The following PPP1R1C variants were observed in gnomAD, a reference collection of about 807,000 sequenced individuals.
PPP1R1C encodes the protein protein phosphatase 1 regulatory subunit 1C.
In PPP1R1C, 15 loss-of-function variants were observed where a neutral mutation model predicts 17.4. That is an observed-to-expected ratio of 0.86 (90% CI 0.58 to 1.33). The LOEUF (loss-of-function observed/expected upper bound fraction) is 1.33, where lower values mean the gene tolerates loss of function less well. Ranked by LOEUF, PPP1R1C falls within the 40% of genes most tolerant of loss-of-function variation. The pLI, the probability that PPP1R1C is intolerant of heterozygous loss-of-function variation, is 0.00. For synonymous variants in PPP1R1C, 35 were observed against 43.1 expected (o/e 0.81, Z 0.73); for missense variants, 143 against 130.0 (o/e 1.10, Z -0.48).
chr2:182,123,358 G>C (rs115692192), intron 5 of PPP1R1C, among the ~76,000 whole-genome samples: 37,124 of 151,968 alleles, frequency 0.24, 5,090 homozygotes, highest in African/African-American at 0.37. Context: ...AATCCTTTAG[G>C]TATGTACCCA....
intron 2 of PPP1R1C, among the ~76,000 whole-genome samples, chr2:181,996,330 T>C (rs1444231986): frequency 6.6e-6 from 1 of 151,966 alleles, no homozygotes; most frequent in East Asian, 1.9e-4. Context: ...GCTGTGACAA[T>C]CAGGGGGCTC....
intron 2 of PPP1R1C, among the ~76,000 whole-genome samples, chr2:182,044,914 A>G (rs1480100633): frequency 6.6e-6 from 1 of 152,206 alleles, no homozygotes; most frequent in Non-Finnish European, 1.5e-5. Flanking sequence ...ATTATGAGAA[A>G]AAAATGGTTA....
intron 2 of PPP1R1C, among the ~76,000 whole-genome samples, chr2:182,048,319 T>C (rs1687404524): frequency 6.6e-6 from 1 of 152,092 alleles, no homozygotes. Context: ...CCCCAAATGA[T>C]AGGCCTTCAA....
chr2:181,954,971 C>G (rs1684646966), intron 1 of PPP1R1C, among the ~76,000 whole-genome samples: 1 of 152,106 alleles, frequency 6.6e-6, no homozygotes, highest in Admixed American at 6.5e-5. Context: ...TGAGGGCTGT[C>G]TCAGGGAAAG....
chr2:182,004,972 T>C lies in PPP1R1C; in HGVS notation c.142+17073T>C, dbSNP rs1327694138. ...ATGAATTCAGAATGGAACCCATTACTCTAGACATGGTAGATAAAATAGCCC... is the reference window on the plus strand; with the variant it reads ...ATGAATTCAGAATGGAACCCATTACCCTAGACATGGTAGATAAAATAGCCC... On this transcript the variant is annotated intron_variant, in intron 2 of 4. Transcript: ENST00000682840. Among the ~76,000 whole-genome samples, 7 of 152,318 alleles carry C rather than the reference T, an allele frequency of 4.6e-5. No homozygotes were observed. The East Asian group carries it at 7.7e-4, about 17-fold the overall frequency.
intron 5 of PPP1R1C, among the ~76,000 whole-genome samples, chr2:182,123,058 A>G (rs935139057): frequency 2.0e-5 from 3 of 151,914 alleles, no homozygotes; most frequent in Admixed American, 6.6e-5. Context: ...CTGTGCCCAT[A>G]TGTTCTCATT....
chr2:182,084,075 A>T (rs1010801292), intron 4 of PPP1R1C, among the ~76,000 whole-genome samples: 1 of 151,868 alleles, frequency 6.6e-6, no homozygotes, highest in African/African-American at 2.4e-5. Flanking sequence ...ATTGAGAGCT[A>T]TCTATTCATG....
At chr2:181,999,708 T>C (rs1013698170) in intron 2 of PPP1R1C, among the ~76,000 whole-genome samples, 2 of 152,000 alleles carry the variant, frequency 1.3e-5, no homozygotes, top group African/African-American at 4.8e-5. Context: ...CTTTCTCTTC[T>C]TTTGTATTTA....
At chr2:181,983,675 A>G (rs1020973908), upstream of PPP1R1C, among the ~76,000 whole-genome samples, 2 of 152,232 alleles carry the variant, frequency 1.3e-5, no homozygotes, top group African/African-American at 4.8e-5. Context: ...AGTAGACTAT[A>G]GTATCTACTC....
At chr2:182,095,380 C>G (rs1688902583) in intron 4 of PPP1R1C, among the ~76,000 whole-genome samples, 1 of 152,118 alleles carries the variant, frequency 6.6e-6, no homozygotes, top group Admixed American at 6.5e-5. Flanking sequence ...TATCATTAAA[C>G]ATTATTTAAC....
intron 2 of PPP1R1C, among the ~76,000 whole-genome samples, chr2:182,037,595 A>T (rs1687050473): frequency 6.6e-6 from 1 of 152,096 alleles, no homozygotes; most frequent in Non-Finnish European, 1.5e-5. Context: ...CAAAAAAAAA[A>T]AAAATGTGTA....
At chr2:181,969,720 C>A (rs1239447172) in intron 1 of PPP1R1C, among the ~76,000 whole-genome samples, 1 of 152,122 alleles carries the variant, frequency 6.6e-6, no homozygotes, top group Non-Finnish European at 1.5e-5. Context: ...CTCTACCTTG[C>A]CTTACAGCCA....
At chr2:182,029,407 G>C (rs1319065939) in intron 2 of PPP1R1C, among the ~76,000 whole-genome samples, 1 of 151,876 alleles carries the variant, frequency 6.6e-6, no homozygotes, top group African/African-American at 2.4e-5. Context: ...GGGCAGGCCT[G>C]GTGGTGACCA....
At chr2:182,099,409 A>C (rs573560869) in intron 4 of PPP1R1C, among the ~76,000 whole-genome samples, 12 of 152,236 alleles carry the variant, frequency 7.9e-5, no homozygotes, top group African/African-American at 2.9e-4. Context: ...TTCCAAAGTC[A>C]TCCCTCCTGC....
chr2:181,991,388 T>A (rs77202152), intron 2 of PPP1R1C, among the ~76,000 whole-genome samples: 1 of 152,148 alleles, frequency 6.6e-6, no homozygotes, highest in Admixed American at 6.6e-5. Flanking sequence ...AGAAGCACTA[T>A]GTAAACAGAT....
rs1397676455 is a variant in PPP1R1C at position 181,987,886 on chromosome 2, G to T, written c.129G>T (p.Glu43Asp). 1.9e-6 allele frequency: 3 copies of T among 1,612,898 alleles called. No individual in the cohort carries two copies. In the African/African-American group the frequency reaches 4.0e-5, roughly 22 times the overall value. ...CAGCATCACTTGTGATTCTCAATGA[G>T]CATAACCCCCCAGGTAAAGAAGCAT... ...PTPASLVILN[E>D]HNPPEIDDKR... The change falls in exon 2 of 5, where the codon GAG (glutamate) becomes GAT (aspartate). Residue 43 changes from glutamate (E) to aspartate (D), a missense_variant. Physicochemically the swap from Glu to Asp is conservative, Grantham distance 45 (BLOSUM62 2). Coordinates refer to ENST00000682840, the MANE Select transcript of PPP1R1C (RefSeq NM_001080545.3).
rs1382681375 is a variant in PPP1R1C, at chr2:182,061,447, G to A, written c.148G>A (p.Asp50Asn). 6 of 1,471,292 alleles carry A rather than the reference G, an allele frequency of 4.1e-6. No individual in the cohort carries two copies. Among genetic ancestry groups the A allele is most frequent in the Non-Finnish European group, 5.4e-6 (6 of 1,108,476 alleles). 91.1% of individuals were successfully genotyped at this position (1,471,292 alleles called of 1,614,324 possible). A position where few individuals can be genotyped will look rare whatever the true frequency, so the allele number is the denominator to read the frequency against. ...TCTACCTACTTCTCTTACAGAAATA[G>A]ATGACAAGAGGGGGCCCAACACACA... ...ILNEHNPPEI[D>N]DKRGPNTQGE... is the part of the protein sequence containing the mutation. Residue 50 changes from aspartate to asparagine, a missense_variant, in exon 3 of 5, where the codon GAT (aspartate) becomes AAT (asparagine). Transcript: ENST00000682840.
At chr2:181,995,811 TTTCTC>T (rs1358705171) in intron 2 of PPP1R1C, among the ~76,000 whole-genome samples, 2 of 152,092 alleles carry the variant, frequency 1.3e-5, no homozygotes, top group African/African-American at 4.8e-5. Flanking sequence ...TTTTCTGTCT[TTTCTC>T]TCATCATTTT....
chr2:181,961,950 A>T lies in PPP1R1C; in HGVS notation n.111+7316A>T. Reference sequence around the variant, plus strand: ...AGCCCATGGATGTCACTCCCCACAGACGGGTGCATGGCCAGCTCTGTCTCA... The same window carrying T: ...AGCCCATGGATGTCACTCCCCACAGTCGGGTGCATGGCCAGCTCTGTCTCA... On this transcript the variant is annotated intron_variant and non_coding_transcript_variant, in intron 1 of 5. Transcript: ENST00000464264. The surrounding 1 kb of genome is among the most constrained non-coding windows in gnomAD (Gnocchi z 5.8). 2 of 739,182 alleles carry T rather than the reference A, an allele frequency of 2.7e-6. No homozygotes were observed. Among genetic ancestry groups the T allele is most frequent in the Admixed American group, 3.4e-5 (2 of 57,980 alleles). 45.8% of individuals were successfully genotyped at this position (739,182 alleles called of 1,614,324 possible).
Sources: allele counts gnomAD v4.1 joint callset (sites outside exome capture counted in the v4.1 genomes callset), GRCh38; gene constraint gnomAD v4.1.1; non-coding constraint Gnocchi (gnomAD v3.1); transcripts MANE v1.5; gene names NCBI Gene and HGNC (gene_info 2026-07-23, HGNC 2026-07-21).